The following ELMO1 variants were observed in gnomAD, a reference collection of about 807,000 sequenced individuals.
The protein encoded by ELMO1 is engulfment and cell motility protein 1.
In ELMO1, 26 loss-of-function variants were observed where a neutral mutation model predicts 98.9. That is an observed-to-expected ratio of 0.26 (90% CI 0.19 to 0.36). ELMO1 has a LOEUF of 0.36. Among genes scored for constraint, ELMO1 ranks in the 10% least tolerant of loss-of-function variants. ELMO1 has a pLI of 1.00. For synonymous variants in ELMO1, 346 were observed against 346.0 expected, an observed-to-expected ratio of 1.00 and a Z score of 0.00; for missense variants, 627 against 935.2, an observed-to-expected ratio of 0.67 and a Z score of 4.30.
chr7:36,983,803 A>G (rs549702158), intron 16 of ELMO1, among the ~76,000 whole-genome samples: 11 of 152,272 alleles, frequency 7.2e-5, no homozygotes, highest in Middle Eastern at 3.4e-3. Context: ...CTATTCCCCC[A>G]GGACAGGGAT....
intron 10 of ELMO1, chr7:37,217,605 G>T (rs1327840942): frequency 4.7e-6 from 2 of 421,246 alleles, no homozygotes; most frequent in Non-Finnish European, 9.6e-6. Context: ...CAAGAACATG[G>T]GGGGTGGGGG....
Position 36,868,315 on chromosome 7 carries a change from C to T in ELMO1, c.1905+2078G>A, listed in dbSNP as rs377756189. Among the ~76,000 whole-genome samples, 10 of 149,606 alleles carry T rather than the reference C, an allele frequency of 6.7e-5. No individual in the cohort carries two copies. The East Asian group carries it at 7.9e-4, about 12-fold the overall frequency. ...AGGTCCAAGAAAACTTGTTGATTTC[C>T]GCTTTGTTCTGCTTCTTCTTCTTCT... On this transcript the variant is annotated intron_variant, in intron 20 of 21. Transcript: ENST00000310758.
intron 6 of ELMO1, among the ~76,000 whole-genome samples, chr7:37,252,667 T>G (rs531115978): frequency 2.6e-4 from 39 of 152,270 alleles, no homozygotes; most frequent in African/African-American, 9.1e-4. Context: ...GACGCAGGTG[T>G]GGGCAAAGGC....
At chr7:37,086,787 C>G (rs1392985946) in intron 15 of ELMO1, among the ~76,000 whole-genome samples, 1 of 147,062 alleles carries the variant, frequency 6.8e-6, no homozygotes, top group East Asian at 2.0e-4. Context: ...ACTTTCTTGC[C>G]AAAAAAAAAT....
At chr7:37,203,292 A>AC (rs1792405246) in intron 13 of ELMO1, among the ~76,000 whole-genome samples, 1 of 152,158 alleles carries the variant, frequency 6.6e-6, no homozygotes, top group Admixed American at 6.5e-5. Context: ...TAGTATTGGG[A>AC]CCTTACCCAT....
chr7:37,097,700 G>A (rs1205891086), intron 14 of ELMO1, among the ~76,000 whole-genome samples: 1 of 152,172 alleles, frequency 6.6e-6, no homozygotes, highest in Non-Finnish European at 1.5e-5. Flanking sequence ...CCCCTGGAGT[G>A]TGGACTTAGG....
At chr7:37,139,821 A>C (rs544775633) in intron 13 of ELMO1, among the ~76,000 whole-genome samples, 2 of 152,344 alleles carry the variant, frequency 1.3e-5, no homozygotes, top group African/African-American at 4.8e-5. Flanking sequence ...CAACTATACT[A>C]TAAGGCGACA....
intron 1 of ELMO1, among the ~76,000 whole-genome samples, chr7:37,422,412 T>C (rs1030408382): frequency 6.6e-6 from 1 of 152,202 alleles, no homozygotes; most frequent in Admixed American, 6.5e-5. Flanking sequence ...CCCCAAAAAA[T>C]CTGTGCTTCG....
At chr7:37,436,826 G>A (rs17171045) in intron 1 of ELMO1, among the ~76,000 whole-genome samples, 1 of 152,162 alleles carries the variant, frequency 6.6e-6, no homozygotes, top group Non-Finnish European at 1.5e-5. Flanking sequence ...GAAAGCTGGT[G>A]TAATTGAACG....
At chr7:37,145,819 A>G (rs776257476) in intron 13 of ELMO1, among the ~76,000 whole-genome samples, 5 of 152,230 alleles carry the variant, frequency 3.3e-5, no homozygotes, top group Non-Finnish European at 5.9e-5. Flanking sequence ...CATTGAGTGA[A>G]TATTCACTTA....
chr7:37,238,882 C>T (rs1794611787), intron 7 of ELMO1, among the ~76,000 whole-genome samples: 2 of 152,132 alleles, frequency 1.3e-5, no homozygotes, highest in Admixed American at 1.3e-4. Context: ...CTGAGATAAG[C>T]TCTTATTGAT....
chr7:36,907,179 T>G (rs924955685), intron 16 of ELMO1, among the ~76,000 whole-genome samples: 14 of 152,020 alleles, frequency 9.2e-5, no homozygotes, highest in African/African-American at 2.9e-4. Context: ...CAAGTCTTCA[T>G]GAAGGCCAGG....
intron 17 of ELMO1, among the ~76,000 whole-genome samples, chr7:36,888,199 G>C (rs1247569883): frequency 1.3e-5 from 2 of 152,112 alleles, no homozygotes; most frequent in African/African-American, 4.8e-5. Context: ...CAACAACACT[G>C]TCCCAGATTC....
chr7:36,986,599 T>C (rs1791527073), intron 16 of ELMO1: 1 of 152,198 alleles, frequency 6.6e-6, no homozygotes, highest in South Asian at 2.1e-4. Context: ...TGCAGCGAGT[T>C]GGATTCGTGC....
At chr7:37,017,022 G>A (rs1203260423) in intron 15 of ELMO1, among the ~76,000 whole-genome samples, 1 of 152,164 alleles carries the variant, frequency 6.6e-6, no homozygotes, top group African/African-American at 2.4e-5. Context: ...CTTACAAGAG[G>A]CACAGCTTCA....
Position 37,342,975 on chromosome 7 carries a change from G to A in ELMO1, c.-73-212C>T. The A allele has an allele frequency of 2.8e-6, 1 of 362,636 alleles. No individual in the cohort carries two copies. Among genetic ancestry groups the A allele is most frequent in the South Asian group, 4.3e-5 (1 of 23,100 alleles). The allele number at this position is 362,636 out of a possible 1,614,324, so 22.5% of individuals were successfully genotyped here. ...GGGGTGCCCGTGCCAACGCCCTTGA[G>A]TCAAAGCCGCCAGGAGACGCTGCCC... On this transcript the variant is annotated intron_variant, in intron 1 of 21. Transcript: ENST00000310758. The surrounding 1 kb of genome is among the most constrained non-coding windows in gnomAD (Gnocchi z 4.3).
chr7:37,239,725 T>C (rs1223403803), intron 7 of ELMO1, among the ~76,000 whole-genome samples: 2 of 152,184 alleles, frequency 1.3e-5, no homozygotes, highest in Non-Finnish European at 2.9e-5. Context: ...TCTGAAAATG[T>C]CTCAGCCAAC....
At chr7:37,094,723 C>T (rs1784286186) in intron 15 of ELMO1, among the ~76,000 whole-genome samples, 1 of 152,208 alleles carries the variant, frequency 6.6e-6, no homozygotes, top group African/African-American at 2.4e-5. Context: ...GAGATCACTG[C>T]AATTTCAGCC....
intron 6 of ELMO1, among the ~76,000 whole-genome samples, chr7:37,254,218 G>A (rs879849103): frequency 1.9e-4 from 29 of 152,160 alleles, no homozygotes; most frequent in Non-Finnish European, 2.8e-4. Flanking sequence ...AAAACAGGAA[G>A]GGGGACACCA....
Sources: gnomAD v4.1 joint callset for allele counts (sites outside exome capture counted in the v4.1 genomes callset) on GRCh38, gnomAD v4.1.1 for gene constraint, Gnocchi (gnomAD v3.1) non-coding constraint, MANE v1.5 for transcripts, NCBI Gene and HGNC (gene_info 2026-07-23, HGNC 2026-07-21) for gene names.